The following JMJD1C variants were observed in gnomAD, a reference collection of about 807,000 sequenced individuals.
The protein encoded by JMJD1C is jumonji domain-containing protein 1C.
In JMJD1C, 31 loss-of-function variants were observed where a neutral mutation model predicts 245.3. That is an observed-to-expected ratio of 0.13 (90% CI 0.09 to 0.17). The LOEUF (loss-of-function observed/expected upper bound fraction) is 0.17. Among genes scored for constraint, JMJD1C ranks in the 10% least tolerant of loss-of-function variants. JMJD1C has a pLI of 1.00. For synonymous variants in JMJD1C, 1,057 were observed against 1,017.4 expected, an observed-to-expected ratio of 1.04 and a Z score of -0.74; for missense variants, 2,691 against 3,000.2, an observed-to-expected ratio of 0.90 and a Z score of 2.41.
At chr10:63,344,897 A>G (rs1470758791) in intron 2 of JMJD1C, among the ~76,000 whole-genome samples, 2 of 152,192 alleles carry the variant, frequency 1.3e-5, no homozygotes, top group African/African-American at 4.8e-5. Context: ...GAGGATGCAG[A>G]TCAACTGGAA....
At chr10:63,448,504 T>C (rs886448641) in intron 1 of JMJD1C, among the ~76,000 whole-genome samples, 4 of 152,144 alleles carry the variant, frequency 2.6e-5, no homozygotes, top group African/African-American at 9.7e-5. Context: ...GAATTCAGAG[T>C]ATAACCATTT....
At chr10:63,409,348 C>A (rs1027743754) in intron 1 of JMJD1C, among the ~76,000 whole-genome samples, 2 of 152,130 alleles carry the variant, frequency 1.3e-5, no homozygotes, top group African/African-American at 4.8e-5. Context: ...AGGGCCCATC[C>A]AGGAAAAACC....
intron 10 of JMJD1C, among the ~76,000 whole-genome samples, chr10:63,206,311 A>G (rs1357737648): frequency 6.6e-6 from 1 of 152,218 alleles, no homozygotes; most frequent in African/African-American, 2.4e-5. Flanking sequence ...AGTAACTACT[A>G]AATTCCACGT....
chr10:63,245,176 A>G (rs1175851739), intron 3 of JMJD1C, among the ~76,000 whole-genome samples: 2 of 150,350 alleles, frequency 1.3e-5, no homozygotes, highest in Non-Finnish European at 3.0e-5. Context: ...AAAAAAAATT[A>G]TGAGAGAAAT....
intron 1 of JMJD1C, chr10:63,382,843 C>T: frequency 2.2e-6 from 1 of 456,028 alleles, no homozygotes; most frequent in South Asian, 1.5e-5. Context: ...CATGGTTGCT[C>T]TTTTGGCCTA....
chr10:63,214,932 TCTC>T lies in JMJD1C; in HGVS notation c.1232_1234del (p.Gly411del). ...CTCATTATTATGGGGTTTTCCTTCT[TCTC>T]CATTTATTTTTGAAGTATTTTTATT... On this transcript the variant is annotated inframe_deletion, in exon 8 of 26. Coordinates refer to ENST00000399262, the MANE Select transcript of JMJD1C (RefSeq NM_032776.3). The T allele has an allele frequency of 6.2e-7, 1 of 1,605,774 alleles. No homozygotes were observed. Among genetic ancestry groups the T allele is most frequent in the South Asian group, 1.1e-5 (1 of 89,186 alleles).
At chr10:63,449,863 C>T (rs1365469784) in intron 1 of JMJD1C, among the ~76,000 whole-genome samples, 2 of 152,088 alleles carry the variant, frequency 1.3e-5, no homozygotes, top group Non-Finnish European at 2.9e-5. Flanking sequence ...TGCCTGTAAT[C>T]CCAGCATTTT....
chr10:63,408,784 G>T (rs954771288), intron 1 of JMJD1C, among the ~76,000 whole-genome samples: 16 of 151,030 alleles, frequency 1.1e-4, no homozygotes, highest in Middle Eastern at 3.4e-3. Flanking sequence ...AGAAATCCAC[G>T]AAAAGAATCC....
chr10:63,389,616 G>A (rs1020715020), intron 1 of JMJD1C, among the ~76,000 whole-genome samples: 7 of 151,746 alleles, frequency 4.6e-5, no homozygotes, highest in Non-Finnish European at 8.8e-5. Context: ...ACCAGCAAAT[G>A]GAAGATTCTC....
At chr10:63,194,492 G>A (rs1845218440) in intron 13 of JMJD1C, 117 bp from the exon 14 acceptor site, 8 of 615,126 alleles carry the variant, frequency 1.3e-5, no homozygotes, top group Admixed American at 5.3e-5. Context: ...CACAGCCAAA[G>A]AGAAAAAGAA....
chr10:63,387,789 C>T (rs1391180731), intron 1 of JMJD1C, among the ~76,000 whole-genome samples: 1 of 151,430 alleles, frequency 6.6e-6, no homozygotes, highest in Non-Finnish European at 1.5e-5. Flanking sequence ...GTGCCCACCA[C>T]CATGCCCGGC....
At position 63,214,694 on chromosome 10, in the gene JMJD1C, C is replaced by T. The variant is rs758668150; in HGVS notation, c.1473G>A (p.Met491Ile). 5.0e-6 allele frequency: 8 copies of T among 1,613,872 alleles called. No homozygotes were observed. Among genetic ancestry groups the T allele is most frequent in the Non-Finnish European group, 6.8e-6 (8 of 1,179,838 alleles). The change falls in exon 8 of 26, where the codon ATG (methionine) becomes ATA (isoleucine). Residue 491 changes from methionine (M) to isoleucine (I), a missense_variant. Transcript: ENST00000399262. Reference sequence around the variant, plus strand: ...CAAACTTCTCCTTTGGTAGCAATTCCATGGTATGTGTTTTATCCATATTGC... The same window carrying T: ...CAAACTTCTCCTTTGGTAGCAATTCTATGGTATGTGTTTTATCCATATTGC... Reference protein sequence around the residue: ...QECNMDKTHTMELLPKEKFVS... With the variant: ...QECNMDKTHTIELLPKEKFVS...
At chr10:63,339,867 T>C (rs887974918) in intron 2 of JMJD1C, among the ~76,000 whole-genome samples, 3 of 152,204 alleles carry the variant, frequency 2.0e-5, no homozygotes, top group Non-Finnish European at 2.9e-5. Context: ...AAGATTTTTT[T>C]ACTCCTTGAC....
At chr10:63,517,871 C>A (rs191104227) in intron 1 of JMJD1C, among the ~76,000 whole-genome samples, 14 of 143,210 alleles carry the variant, frequency 9.8e-5, no homozygotes, top group Non-Finnish European at 4.5e-5. Flanking sequence ...CAGCTCAGTG[C>A]AACCTCCGCC....
At position 63,465,456 on chromosome 10, in the gene JMJD1C, G is replaced by C. The variant is rs1215227777; in HGVS notation, c.168+39C>G. On this transcript the variant is annotated intron_variant, in intron 1 of 25. Transcript: ENST00000399262. Reference sequence around the variant, plus strand: ...AGGTACGTCTGCGAGAGCCGGGTGCGGGCGCGGCAGGGGAAAAGGGGGGCG... The same window carrying C: ...AGGTACGTCTGCGAGAGCCGGGTGCCGGCGCGGCAGGGGAAAAGGGGGGCG... 5.8e-6 allele frequency: 9 copies of C among 1,542,916 alleles called. No individual in the cohort carries two copies. The African/African-American group carries it at 6.8e-5, about 12-fold the overall frequency.
chr10:63,349,408 T>C (rs1944148318), intron 2 of JMJD1C, among the ~76,000 whole-genome samples: 1 of 152,244 alleles, frequency 6.6e-6, no homozygotes, highest in Non-Finnish European at 1.5e-5. Context: ...TCTCATACAC[T>C]CTGTGTCAAT....
Position 63,302,196 on chromosome 10 carries a change from G to A in JMJD1C, c.334-37432C>T, listed in dbSNP as rs542802027. 1.4e-3 allele frequency among the ~76,000 whole-genome samples: 212 copies of A among 151,462 alleles called. 3 individuals carry two copies. Among genetic ancestry groups the A allele is most frequent in the Non-Finnish European group, 4.4e-4 (30 of 68,016 alleles). ...CTGCACTCAGTTTATTTAACAGATA[G>A]TTAGGCTGTTTCCAGTCTTCTAATA... On this transcript the variant is annotated intron_variant, in intron 2 of 25. Coordinates refer to ENST00000399262, the MANE Select transcript of JMJD1C (RefSeq NM_032776.3).
intron 1 of JMJD1C, among the ~76,000 whole-genome samples, chr10:63,491,523 G>C (rs771873246): frequency 5.9e-5 from 9 of 152,076 alleles, no homozygotes; most frequent in Non-Finnish European, 1.3e-4. Flanking sequence ...TAAATAAAAA[G>C]AAAATGAAGA....
Position 63,314,949 on chromosome 10 carries a change from C to CTTTTTT in JMJD1C, c.334-50191_334-50186dup, listed in dbSNP as rs201119978. 8.4e-5 allele frequency among the ~76,000 whole-genome samples: 10 copies of CTTTTTT among 118,598 alleles called. 1 individual carries two copies. The highest frequency in any genetic ancestry group is 9.0e-5 in the Admixed American group (1 of 11,144). The allele number at this position is 118,598 out of a possible 152,430, so 77.8% of individuals were successfully genotyped here. A position where few individuals can be genotyped will look rare whatever the true frequency, so the allele number is the denominator to read the frequency against. On this transcript the variant is annotated intron_variant, in intron 2 of 25. Coordinates refer to ENST00000399262, the MANE Select transcript of JMJD1C (RefSeq NM_032776.3). ...CAGGCTTGAGTTCACTGTGCCCAGC[C>CTTTTTT]TTTTTTGTTTTTTTTTTTTTTTTGA... is the stretch of plus-strand genomic sequence containing the variant.
Sources: allele counts gnomAD v4.1 joint callset (sites outside exome capture counted in the v4.1 genomes callset), GRCh38; gene constraint gnomAD v4.1.1; transcripts MANE v1.5; gene names NCBI Gene and HGNC (gene_info 2026-07-23, HGNC 2026-07-21).